The following SNTG2 variants were observed in gnomAD, a reference collection of about 807,000 sequenced individuals.
SNTG2 encodes gamma-2-syntrophin.
Under a neutral mutation model 70.9 loss-of-function variants are expected in SNTG2, and 74 were observed. The observed-to-expected ratio is 1.04, with a 90% confidence interval of 0.86 to 1.27. The LOEUF (loss-of-function observed/expected upper bound fraction) is 1.27, where lower values mean the gene tolerates loss of function less well. SNTG2 is among the 50% of genes most tolerant of loss of function. The pLI is 0.00. For synonymous variants in SNTG2, 278 were observed against 273.8 expected, an observed-to-expected ratio of 1.02 and a Z score of -0.15; for missense variants, 717 against 690.7, an observed-to-expected ratio of 1.04 and a Z score of -0.43.
chr2:1,066,717 AT>A (rs199526680), intron 1 of SNTG2, among the ~76,000 whole-genome samples: 1,904 of 151,646 alleles, frequency 0.013, 53 homozygotes, highest in African/African-American at 0.044. Flanking sequence ...CAAAACGACG[AT>A]TTTTTTTTAT....
chr2:1,192,934 G>C (rs951747241), intron 8 of SNTG2, among the ~76,000 whole-genome samples: 8 of 152,208 alleles, frequency 5.3e-5, no homozygotes, highest in African/African-American at 1.9e-4. Context: ...TGTGAGTAGT[G>C]GGTGGAAGAG....
chr2:1,289,860 A>G (rs943949426), intron 14 of SNTG2, among the ~76,000 whole-genome samples: 1 of 152,164 alleles, frequency 6.6e-6, no homozygotes, highest in Admixed American at 6.5e-5. Context: ...AGGACTGCAG[A>G]TATTTCGTAT....
intron 14 of SNTG2, among the ~76,000 whole-genome samples, chr2:1,280,504 G>T (rs3925066): frequency 0.095 from 14,481 of 152,210 alleles, 742 homozygotes; most frequent in Middle Eastern, 0.2. Context: ...CCTGGGAAGG[G>T]ACTGGCCTTG....
At chr2:1,257,674 C>T (rs9330336) in intron 12 of SNTG2, among the ~76,000 whole-genome samples, 37,424 of 152,164 alleles carry the variant, frequency 0.25, 5,658 homozygotes, top group Middle Eastern at 0.33. Context: ...TAATCTAATA[C>T]AGTGACCAGA....
Position 1,353,945 on chromosome 2 carries a change from G to A in SNTG2, c.1489-13398G>A, listed in dbSNP as rs940771477. 2.0e-5 allele frequency: 3 copies of A among 152,112 alleles called. No individual in the cohort carries two copies. Among genetic ancestry groups the A allele is most frequent in the Non-Finnish European group, 4.4e-5 (3 of 68,024 alleles). 9.4% of individuals were successfully genotyped at this position (152,112 alleles called of 1,614,324 possible). On this transcript the variant is annotated intron_variant, in intron 16 of 16. Transcript: ENST00000308624. This position sits in a 1 kb window ranked among gnomAD's most constrained non-coding sequence, Gnocchi z 4.2. ...ATGCCTGCGCGTAAAGAGTGGGAAA[G>A]AAAAAACGTTTTCTCCGGTGATGGG... is the stretch of plus-strand genomic sequence containing the variant.
intron 16 of SNTG2, among the ~76,000 whole-genome samples, chr2:1,321,892 T>C (rs372518433): frequency 1.6e-5 from 1 of 61,700 alleles, no homozygotes; most frequent in African/African-American, 6.1e-5. Context: ...TTCCTTCCTT[T>C]CCTTCTTTCT....
intron 1 of SNTG2, among the ~76,000 whole-genome samples, chr2:957,472 AC>A (rs1345550976): frequency 6.6e-6 from 1 of 152,132 alleles, no homozygotes; most frequent in Non-Finnish European, 1.5e-5. Flanking sequence ...AGACACAGAC[AC>A]ACAGAATTTA....
chr2:1,141,964 T>C (rs60515532), intron 6 of SNTG2, among the ~76,000 whole-genome samples: 150,321 of 152,214 alleles, frequency 0.99, 74,253 homozygotes, highest in East Asian at 1. Flanking sequence ...CAGCAGCATT[T>C]TTTGTCCACC....
chr2:1,324,094 C>G (rs549728046), intron 16 of SNTG2, among the ~76,000 whole-genome samples: 12 of 148,602 alleles, frequency 8.1e-5, no homozygotes, highest in African/African-American at 3.0e-4. Context: ...CAGTCACATG[C>G]CTGAGACCCC....
At chr2:999,594 C>G (rs1415066181) in intron 1 of SNTG2, among the ~76,000 whole-genome samples, 1 of 151,874 alleles carries the variant, frequency 6.6e-6, no homozygotes, top group Non-Finnish European at 1.5e-5. Context: ...GAAGCTATAA[C>G]AATCATAAAT....
At chr2:1,294,081 C>T (rs1011392743) in intron 14 of SNTG2, among the ~76,000 whole-genome samples, 1 of 152,212 alleles carries the variant, frequency 6.6e-6, no homozygotes, top group Admixed American at 6.5e-5. Context: ...TTTGTCTCCA[C>T]CACTCTGCAT....
At chr2:1,183,024 G>A (rs1672018609) in intron 8 of SNTG2, among the ~76,000 whole-genome samples, 1 of 152,176 alleles carries the variant, frequency 6.6e-6, no homozygotes, top group African/African-American at 2.4e-5. Flanking sequence ...TAAAATGCTG[G>A]AATTACAGGC....
chr2:982,498 T>C (rs888706609), intron 1 of SNTG2, among the ~76,000 whole-genome samples: 1 of 152,204 alleles, frequency 6.6e-6, no homozygotes, highest in East Asian at 1.9e-4. Flanking sequence ...TCTAGGTTTT[T>C]TGTGTTCCTG....
intron 1 of SNTG2, among the ~76,000 whole-genome samples, chr2:1,078,877 G>A (rs1664096071): frequency 6.6e-6 from 1 of 152,188 alleles, no homozygotes; most frequent in Non-Finnish European, 1.5e-5. Context: ...CACAGGAACT[G>A]AGGAGTTTCA....
At chr2:1,163,789 T>G (rs757079904) in intron 6 of SNTG2, 1 of 152,310 alleles carries the variant, frequency 6.6e-6, no homozygotes, top group African/African-American at 2.4e-5. Flanking sequence ...TATTTAAGGT[T>G]GTCCACAGGC....
chr2:1,126,726 G>T (rs559722924), intron 4 of SNTG2, among the ~76,000 whole-genome samples: 1 of 152,038 alleles, frequency 6.6e-6, no homozygotes, highest in African/African-American at 2.4e-5. Flanking sequence ...CTGATGATTA[G>T]TGATTTTAAG....
At chr2:1,166,332 G>A (rs552512798) in intron 7 of SNTG2, among the ~76,000 whole-genome samples, 1 of 152,244 alleles carries the variant, frequency 6.6e-6, no homozygotes, top group African/African-American at 2.4e-5. Flanking sequence ...CAGGGCATCC[G>A]ATGTGGAATG....
chr2:970,273 G>A (rs1660693732), intron 1 of SNTG2, among the ~76,000 whole-genome samples: 1 of 152,034 alleles, frequency 6.6e-6, no homozygotes, highest in African/African-American at 2.4e-5. Flanking sequence ...AATATTTGAG[G>A]ATTTTTTTTA....
At chr2:1,179,457 C>A (rs1473927541) in intron 8 of SNTG2, among the ~76,000 whole-genome samples, 3 of 152,074 alleles carry the variant, frequency 2.0e-5, no homozygotes, top group Non-Finnish European at 4.4e-5. Flanking sequence ...GAGTGAACTC[C>A]CATTCACAAT....
Sources: allele counts gnomAD v4.1 joint callset (sites outside exome capture counted in the v4.1 genomes callset), GRCh38; gene constraint gnomAD v4.1.1; non-coding constraint Gnocchi (gnomAD v3.1); transcripts MANE v1.5; gene names NCBI Gene and HGNC (gene_info 2026-07-23, HGNC 2026-07-21).